Variants in RSF1 observed in about 807,000 individuals in gnomAD.
RSF1 encodes the protein HBV pX-associated protein 8.
Under a neutral mutation model 145.2 loss-of-function variants are expected in RSF1, and 13 were observed. That is an observed-to-expected ratio of 0.09 (90% CI 0.06 to 0.14). RSF1 has a LOEUF of 0.14. Among genes scored for constraint, RSF1 ranks in the 10% least tolerant of loss-of-function variants. RSF1 has a pLI of 1.00. For missense variants in RSF1, 1,517 were observed against 1,718.2 expected, an observed-to-expected ratio of 0.88 and a Z score of 2.07; for synonymous variants, 577 against 592.6, an observed-to-expected ratio of 0.97 and a Z score of 0.38.
intron 1 of RSF1, among the ~76,000 whole-genome samples, chr11:77,776,779 GAACACCAGCA>G (rs1206673421): frequency 6.6e-6 from 1 of 152,110 alleles, no homozygotes; most frequent in African/African-American, 2.4e-5. Context: ...CAATCAAATG[GAACACCAGCA>G]AACACAAGCA....
the RSF1 span, among the ~76,000 whole-genome samples, chr11:77,861,458 C>T: frequency 6.6e-6 from 1 of 152,148 alleles, no homozygotes. Flanking sequence ...CCTCCTGGCC[C>T]TCAATGGTCA....
chr11:77,803,986 G>A (rs957712655), intron 1 of RSF1, among the ~76,000 whole-genome samples: 1 of 152,128 alleles, frequency 6.6e-6, no homozygotes, highest in African/African-American at 2.4e-5. Context: ...CAGGAGGATC[G>A]CTTGAGCCCA....
intron 14 of RSF1, among the ~76,000 whole-genome samples, chr11:77,674,180 G>A (rs1412697263): frequency 6.6e-6 from 1 of 152,106 alleles, no homozygotes; most frequent in African/African-American, 2.4e-5. Flanking sequence ...CACTTATTTA[G>A]ATGGTTTAGG....
intron 1 of RSF1, among the ~76,000 whole-genome samples, chr11:77,811,579 C>T (rs1363182484): frequency 2.0e-5 from 3 of 152,102 alleles, no homozygotes; most frequent in African/African-American, 7.2e-5. Flanking sequence ...GTACAGTGAG[C>T]AGGCAAGGGA....
intron 5 of RSF1, among the ~76,000 whole-genome samples, chr11:77,716,169 T>C (rs1229932102): frequency 6.6e-6 from 1 of 151,738 alleles, no homozygotes; most frequent in Non-Finnish European, 1.5e-5. Context: ...TGTACACTGT[T>C]GTTGAGAATG....
chr11:77,774,389 T>G (rs1398430807), intron 1 of RSF1, among the ~76,000 whole-genome samples: 2 of 150,622 alleles, frequency 1.3e-5, no homozygotes, highest in African/African-American at 2.4e-5. Context: ...GATCACGAGG[T>G]CAGGAGTTCG....
At chr11:77,694,220 A>G (rs865780418) in intron 7 of RSF1, among the ~76,000 whole-genome samples, 5 of 152,250 alleles carry the variant, frequency 3.3e-5, no homozygotes, top group Non-Finnish European at 5.9e-5. Context: ...CATATTCCTT[A>G]TAACAAAGTT....
chr11:77,796,432 C>A (rs775960702), intron 1 of RSF1, among the ~76,000 whole-genome samples: 9 of 152,134 alleles, frequency 5.9e-5, no homozygotes, highest in Admixed American at 5.2e-4. Flanking sequence ...TCAATAGATG[C>A]AGAAAAGGCC....
chr11:77,765,067 G>T (rs1948212252), intron 1 of RSF1, among the ~76,000 whole-genome samples: 1 of 151,970 alleles, frequency 6.6e-6, no homozygotes, highest in African/African-American at 2.4e-5. Flanking sequence ...AGGGATACAT[G>T]GGAACTCTCC....
At chr11:77,819,649 A>G (rs1017167322) in intron 1 of RSF1, among the ~76,000 whole-genome samples, 2 of 152,088 alleles carry the variant, frequency 1.3e-5, no homozygotes, top group African/African-American at 2.4e-5. Context: ...CAGCTTACAT[A>G]CTAACCACCC....
chr11:77,830,155 A>T, the RSF1 span: 1 of 152,282 alleles, frequency 6.6e-6, no homozygotes, highest in Non-Finnish European at 1.5e-5. Context: ...AAGAAAGTCA[A>T]AAGACAACCT....
At chr11:77,859,998 A>G in the RSF1 span, among the ~76,000 whole-genome samples, 1 of 152,216 alleles carries the variant, frequency 6.6e-6, no homozygotes, top group Non-Finnish European at 1.5e-5. Flanking sequence ...TAAGACTGCT[A>G]TTGCTGCCAT....
chr11:77,800,257 C>T (rs1948613631), intron 1 of RSF1, among the ~76,000 whole-genome samples: 1 of 151,864 alleles, frequency 6.6e-6, no homozygotes, highest in African/African-American at 2.4e-5. Context: ...TTTGGGAGGC[C>T]GATGTGGGTG....
rs187719225 is a variant in RSF1, at chr11:77,677,988, G to A, written c.3133+98C>T. 1.0e-5 allele frequency: 8 copies of A among 799,892 alleles called. No individual in the cohort carries two copies. The East Asian group carries it at 1.2e-4, about 12-fold the overall frequency. The allele number at this position is 799,892 out of a possible 1,614,324, so 49.5% of individuals were successfully genotyped here. A position where few individuals can be genotyped will look rare whatever the true frequency, so the allele number is the denominator to read the frequency against. ...CAGTACTAATCATGATACATAACGG[G>A]AAAGAGAATAAAAACATATGCTCAC... On this transcript the variant is annotated intron_variant, in intron 12 of 15. Transcript: ENST00000308488.
the RSF1 span, among the ~76,000 whole-genome samples, chr11:77,861,974 AG>A: frequency 1.3e-5 from 2 of 152,176 alleles, no homozygotes; most frequent in Non-Finnish European, 2.9e-5. Context: ...GGTGACAGAG[AG>A]GTGTGCTTTC....
At chr11:77,695,795 G>C (rs948122559) in intron 7 of RSF1, among the ~76,000 whole-genome samples, 8 of 152,080 alleles carry the variant, frequency 5.3e-5, no homozygotes, top group African/African-American at 1.9e-4. Flanking sequence ...ACAGCGCTAA[G>C]ATATATATGT....
intron 5 of RSF1, among the ~76,000 whole-genome samples, chr11:77,704,802 G>C (rs1960506454): frequency 6.7e-6 from 1 of 149,378 alleles, no homozygotes; most frequent in South Asian, 2.1e-4. Flanking sequence ...GCCCAGGCTG[G>C]AGTGCAATGG....
intron 1 of RSF1, among the ~76,000 whole-genome samples, chr11:77,793,041 C>A (rs541073991): frequency 1.3e-3 from 190 of 151,948 alleles, no homozygotes; most frequent in African/African-American, 4.3e-3. Flanking sequence ...CAAAGATAAA[C>A]AAGAAAAAGA....
intron 2 of RSF1, among the ~76,000 whole-genome samples, chr11:77,758,562 C>G (rs756632531): frequency 2.0e-5 from 3 of 152,138 alleles, no homozygotes; most frequent in Non-Finnish European, 1.5e-5. Context: ...TACACTCTCA[C>G]GAAGAATTTA....
Sources: allele counts gnomAD v4.1 joint callset (sites outside exome capture counted in the v4.1 genomes callset), GRCh38; gene constraint gnomAD v4.1.1; transcripts MANE v1.5; gene names NCBI Gene and HGNC (gene_info 2026-07-23, HGNC 2026-07-21).